CPED1: variants seen among roughly 807,000 people sequenced by gnomAD.
CPED1 encodes the protein cadherin-like and PC-esterase domain-containing protein 1.
Under a neutral mutation model 128.2 loss-of-function variants are expected in CPED1, and 114 were observed. That is an observed-to-expected ratio of 0.89 (90% CI 0.76 to 1.04). The LOEUF is 1.04. CPED1 is among the 50% of genes least tolerant of loss of function. CPED1 has a pLI of 0.00. For missense variants in CPED1, 1,211 were observed against 1,207.1 expected (o/e 1.00, Z -0.05); for synonymous variants, 462 against 426.7 (o/e 1.08, Z -1.02).
rs1159508324 is a variant in CPED1, at chr7:121,051,694, G to T, written c.540+4701G>T. 1.8e-5 allele frequency: 5 copies of T among 275,254 alleles called. No homozygotes were observed. The East Asian group carries it at 5.7e-4, about 31-fold the overall frequency. 17.1% of individuals were successfully genotyped at this position (275,254 alleles called of 1,614,324 possible). A position where few individuals can be genotyped will look rare whatever the true frequency, so the allele number is the denominator to read the frequency against. ...ATTGTGTGCACTCTGTAAGATCTGT[G>T]GTTGTGGTAGTCCTGTTTTCCTAAT... On this transcript the variant is annotated intron_variant, in intron 4 of 22. Coordinates refer to ENST00000310396, the MANE Select transcript of CPED1 (RefSeq NM_024913.5).
chr7:121,039,291 C>A (rs184384581), intron 3 of CPED1, among the ~76,000 whole-genome samples: 3 of 152,050 alleles, frequency 2.0e-5, no homozygotes, highest in Non-Finnish European at 2.9e-5. Flanking sequence ...CAGCTCTAAT[C>A]GTTGACTTCA....
chr7:121,126,044 A>G (rs1795496726), intron 9 of CPED1, 152 bp downstream of exon 9: 2 of 611,364 alleles, frequency 3.3e-6, no homozygotes, highest in Admixed American at 2.9e-5. Context: ...GGTTCAGACA[A>G]TTAACTAGTA....
intron 16 of CPED1, among the ~76,000 whole-genome samples, chr7:121,212,404 C>T (rs1006724102): frequency 2.0e-5 from 3 of 151,984 alleles, no homozygotes; most frequent in Non-Finnish European, 2.9e-5. Context: ...GGATCAATTG[C>T]TTTAGGCCCC....
At chr7:121,194,815 A>G (rs1252687410) in intron 16 of CPED1, 1 of 152,014 alleles carries the variant, frequency 6.6e-6, no homozygotes, top group East Asian at 1.9e-4. Context: ...ATTGCCCAGG[A>G]TGGAGTGCAG....
intron 16 of CPED1, among the ~76,000 whole-genome samples, chr7:121,236,492 T>C (rs576477756): frequency 1.3e-5 from 2 of 152,258 alleles, no homozygotes; most frequent in South Asian, 2.1e-4. Context: ...CATTTTTTAA[T>C]TGGCAGAACA....
intron 5 of CPED1, among the ~76,000 whole-genome samples, chr7:121,088,794 T>TAAAAAAAAAAAAAAA (rs1794508617): frequency 1.8e-5 from 1 of 54,762 alleles, no homozygotes; most frequent in African/African-American, 6.0e-5. Context: ...AAAAAAAAAT[T>TAAAAAAAAAAAAAAA]GAAAGTGTAA....
intron 22 of CPED1, among the ~76,000 whole-genome samples, chr7:121,288,865 T>C (rs2116786060): frequency 6.6e-6 from 1 of 152,308 alleles, no homozygotes; most frequent in South Asian, 2.1e-4. Context: ...AGAATAATAT[T>C]ATTTCAAGGT....
chr7:121,296,746 A>G lies in CPED1; in HGVS notation c.*1094A>G, dbSNP rs1392754587. ...TATAGTAGTGAGAACTATTTCTTTT[A>G]TCTCTTTAGGTTCAAAATGGTGAAT... On this transcript the variant is annotated 3_prime_UTR_variant, in exon 23 of 23. Transcript: ENST00000310396. 20 of 152,198 alleles carry G rather than the reference A, an allele frequency of 1.3e-4. 1 individual carries two copies. The highest frequency in any genetic ancestry group is 1.5e-5 in the Non-Finnish European group (1 of 67,940). The allele number at this position is 152,198 out of a possible 1,614,324, so 9.4% of individuals were successfully genotyped here. A position where few individuals can be genotyped will look rare whatever the true frequency, so the allele number is the denominator to read the frequency against.
chr7:121,079,541 C>T (rs185833673), intron 5 of CPED1, among the ~76,000 whole-genome samples: 112 of 152,310 alleles, frequency 7.4e-4, no homozygotes, highest in African/African-American at 2.5e-3. Flanking sequence ...TTCTTTGTCT[C>T]GCAAAAGATA....
chr7:121,011,585 T>G (rs1156237752), intron 2 of CPED1, among the ~76,000 whole-genome samples: 1 of 152,198 alleles, frequency 6.6e-6, no homozygotes, highest in Non-Finnish European at 1.5e-5. Context: ...TGCCAAGTAC[T>G]GTTTTTAGGC....
chr7:121,128,464 G>A lies in CPED1; in HGVS notation c.1385G>A (p.Gly462Glu), dbSNP rs577812967. The A allele has an allele frequency of 5.0e-6, 8 of 1,587,600 alleles. No individual in the cohort carries two copies. The South Asian group carries it at 8.8e-5, about 18-fold the overall frequency. ...NSIMTFIKELGSLGQFQLLFP... is the reference protein window; with the variant it reads ...NSIMTFIKELESLGQFQLLFP... Reference sequence around the variant, plus strand: ...ATTATGACTTTCATAAAGGAACTTGGAAGTCTGGGACAATTCCAACTGGTA... The same window carrying A: ...ATTATGACTTTCATAAAGGAACTTGAAAGTCTGGGACAATTCCAACTGGTA... The change falls in exon 11 of 23, where the codon GGA becomes GAA. Residue 462 changes from glycine to glutamate, a missense_variant. Transcript: ENST00000310396.
chr7:121,117,714 AT>A (rs1795287176), intron 7 of CPED1, among the ~76,000 whole-genome samples: 1 of 152,076 alleles, frequency 6.6e-6, no homozygotes, highest in Non-Finnish European at 1.5e-5. Flanking sequence ...CACATGGACA[AT>A]TTTGAGAGAG....
chr7:121,289,989 T>G (rs1423344150), intron 22 of CPED1, among the ~76,000 whole-genome samples: 1 of 152,100 alleles, frequency 6.6e-6, no homozygotes, highest in Non-Finnish European at 1.5e-5. Context: ...CCAGTGTGTG[T>G]TGTTCCCCTC....
chr7:121,254,621 G>A (rs1216942682), intron 18 of CPED1, among the ~76,000 whole-genome samples: 1 of 151,868 alleles, frequency 6.6e-6, no homozygotes, highest in East Asian at 1.9e-4. Flanking sequence ...GAAAACAGAA[G>A]TCGGTTCTTC....
chr7:121,201,090 C>A (rs1207107494), intron 16 of CPED1, among the ~76,000 whole-genome samples: 1 of 152,008 alleles, frequency 6.6e-6, no homozygotes, highest in Non-Finnish European at 1.5e-5. Context: ...TTGAGAAAAT[C>A]GGATCTGAGA....
At chr7:121,124,147 T>C (rs962309774) in intron 7 of CPED1, among the ~76,000 whole-genome samples, 184 bp from the exon 8 acceptor site, 2 of 152,146 alleles carry the variant, frequency 1.3e-5, no homozygotes, top group African/African-American at 4.8e-5. Flanking sequence ...TTACAAGACA[T>C]TTAAACCTTT....
intron 16 of CPED1, among the ~76,000 whole-genome samples, chr7:121,147,768 T>C (rs1394622664): frequency 6.6e-6 from 1 of 152,138 alleles, no homozygotes; most frequent in Non-Finnish European, 1.5e-5. Flanking sequence ...GCTTGCATTT[T>C]AAAACAGATA....
chr7:121,225,412 T>A (rs1441136982), intron 16 of CPED1, among the ~76,000 whole-genome samples: 1 of 152,140 alleles, frequency 6.6e-6, no homozygotes, highest in Non-Finnish European at 1.5e-5. Context: ...CCCTTAACAT[T>A]TTTTCCTTCA....
chr7:121,274,352 C>G (rs971984022), intron 22 of CPED1, among the ~76,000 whole-genome samples: 2 of 152,116 alleles, frequency 1.3e-5, no homozygotes, highest in African/African-American at 4.8e-5. Context: ...ATGCTTCAAG[C>G]ATGTTCAGGT....
Sources: gnomAD v4.1 joint callset for allele counts (sites outside exome capture counted in the v4.1 genomes callset) on GRCh38, gnomAD v4.1.1 for gene constraint, MANE v1.5 for transcripts, NCBI Gene and HGNC (gene_info 2026-07-23, HGNC 2026-07-21) for gene names.